RBFOX1: variants seen among roughly 807,000 people sequenced by gnomAD.
RBFOX1 encodes the protein RNA binding protein fox-1 homolog 1.
A neutral mutation model predicts 57.7 loss-of-function variants in RBFOX1; 8 were observed. The observed-to-expected ratio is 0.14, with a 90% CI of 0.08 to 0.25. RBFOX1 has a LOEUF of 0.25. Ranked by LOEUF, RBFOX1 falls within the 10% of genes least tolerant of loss-of-function variation. RBFOX1 has a pLI of 1.00. For missense variants in RBFOX1, 611 were observed against 548.5 expected, an observed-to-expected ratio of 1.11 and a Z score of -1.14; for synonymous variants, 326 against 222.4, an observed-to-expected ratio of 1.47 and a Z score of -4.15.
intron 1 of RBFOX1, among the ~76,000 whole-genome samples, chr16:5,429,369 G>A (rs1247972830): frequency 2.0e-5 from 3 of 152,162 alleles, no homozygotes; most frequent in East Asian, 1.9e-4. Flanking sequence ...TCTCCCAGCC[G>A]TCAGAGGCTC....
At chr16:7,437,071 ACT>A (rs529374384) in intron 4 of RBFOX1, among the ~76,000 whole-genome samples, 8 of 152,026 alleles carry the variant, frequency 5.3e-5, no homozygotes, top group Non-Finnish European at 1.0e-4. Context: ...ACAGAGCGAG[ACT>A]CTGTCTCAAA....
chr16:5,873,786 C>T, intron 4 of RBFOX1, among the ~76,000 whole-genome samples: 1 of 152,222 alleles, frequency 6.6e-6, no homozygotes, highest in East Asian at 1.9e-4. Context: ...TCGGTTAAAA[C>T]ATAAATGAGT....
chr16:6,885,919 A>G (rs2063911606), intron 3 of RBFOX1, among the ~76,000 whole-genome samples: 1 of 152,234 alleles, frequency 6.6e-6, no homozygotes, highest in Non-Finnish European at 1.5e-5. Context: ...TGACTTTATT[A>G]ACCCAATAAT....
At chr16:7,385,531 G>T (rs544467363) in intron 4 of RBFOX1, among the ~76,000 whole-genome samples, 1 of 152,292 alleles carries the variant, frequency 6.6e-6, no homozygotes, top group South Asian at 2.1e-4. Flanking sequence ...GGAAGAGCAG[G>T]AGTGAGCTTG....
At chr16:6,366,678 T>C (rs2089675629) in intron 2 of RBFOX1, among the ~76,000 whole-genome samples, 2 of 152,214 alleles carry the variant, frequency 1.3e-5, no homozygotes, top group Non-Finnish European at 2.9e-5. Context: ...TTAATCTTCA[T>C]AGCAAACTTA....
chr16:5,517,395 C>G (rs190780212), intron 2 of RBFOX1, among the ~76,000 whole-genome samples: 269 of 152,326 alleles, frequency 1.8e-3, no homozygotes, highest in African/African-American at 6.3e-3. Context: ...TTGTCCAGCC[C>G]TTGACTTTTC....
chr16:6,416,911 TG>T (rs1334282444), intron 2 of RBFOX1, among the ~76,000 whole-genome samples: 1 of 152,228 alleles, frequency 6.6e-6, no homozygotes, highest in African/African-American at 2.4e-5. Context: ...TTGCCATTTG[TG>T]TTTGGATATC....
intron 4 of RBFOX1, among the ~76,000 whole-genome samples, chr16:7,209,306 G>C (rs1260240959): frequency 6.6e-6 from 1 of 152,052 alleles, no homozygotes; most frequent in Non-Finnish European, 1.5e-5. Flanking sequence ...TTGCATTCCA[G>C]CGTAGGCGAC....
intron 1 of RBFOX1, among the ~76,000 whole-genome samples, chr16:5,252,505 C>T (rs2071418897): frequency 1.3e-5 from 2 of 152,258 alleles, no homozygotes; most frequent in African/African-American, 4.8e-5. Context: ...GGACTCTCTC[C>T]AGGTGTCTGT....
At chr16:5,888,801 A>T (rs1445071408) in intron 4 of RBFOX1, among the ~76,000 whole-genome samples, 1 of 4,124 alleles carries the variant, frequency 2.4e-4, no homozygotes, top group Middle Eastern at 0.1. Context: ...CAGTCTAAAA[A>T]AAAAAAAAAA....
chr16:6,129,317 A>T (rs182751696), intron 1 of RBFOX1, among the ~76,000 whole-genome samples: 1 of 152,306 alleles, frequency 6.6e-6, no homozygotes, highest in East Asian at 1.9e-4. Context: ...CAGGAAAAAA[A>T]ATGGAAGTCA....
At chr16:7,016,033 A>C (rs948078088) in intron 3 of RBFOX1, among the ~76,000 whole-genome samples, 7 of 152,138 alleles carry the variant, frequency 4.6e-5, no homozygotes, top group Non-Finnish European at 8.8e-5. Flanking sequence ...GAAAGACTAC[A>C]CTTCCTAGTC....
intron 1 of RBFOX1, among the ~76,000 whole-genome samples, chr16:5,247,030 G>A (rs1374479205): frequency 6.6e-6 from 1 of 152,160 alleles, no homozygotes; most frequent in Non-Finnish European, 1.5e-5. Flanking sequence ...GTCGTTCTGT[G>A]CCTGGCTTAT....
At chr16:6,681,251 G>A (rs1019081128) in intron 3 of RBFOX1, among the ~76,000 whole-genome samples, 1 of 152,178 alleles carries the variant, frequency 6.6e-6, no homozygotes, top group African/African-American at 2.4e-5. Flanking sequence ...GGCAGAGGCA[G>A]AAGTTGCAGT....
At chr16:7,464,011 C>T (rs533336243) in intron 4 of RBFOX1, among the ~76,000 whole-genome samples, 14 of 152,316 alleles carry the variant, frequency 9.2e-5, no homozygotes, top group African/African-American at 2.6e-4. Flanking sequence ...AGACCCTAGC[C>T]AGGAGGTCTG....
intron 2 of RBFOX1, among the ~76,000 whole-genome samples, chr16:6,360,077 C>T (rs914243824): frequency 6.6e-6 from 1 of 152,114 alleles, no homozygotes; most frequent in Non-Finnish European, 1.5e-5. Flanking sequence ...CTCTGAGCAG[C>T]ATTCAATTTC....
At chr16:7,535,552 T>C (rs1246995492) in intron 5 of RBFOX1, among the ~76,000 whole-genome samples, 4 of 152,226 alleles carry the variant, frequency 2.6e-5, no homozygotes, top group Non-Finnish European at 5.9e-5. Flanking sequence ...TGTGAAGTCT[T>C]TTCCACTGAC....
At chr16:6,513,877 T>A (rs1005929380) in intron 2 of RBFOX1, among the ~76,000 whole-genome samples, 1 of 152,110 alleles carries the variant, frequency 6.6e-6, no homozygotes, top group African/African-American at 2.4e-5. Flanking sequence ...CATAATCCAA[T>A]ACTGTCACCT....
At chr16:6,233,092 G>A (rs572016169) in intron 1 of RBFOX1, among the ~76,000 whole-genome samples, 14 of 152,268 alleles carry the variant, frequency 9.2e-5, no homozygotes, top group African/African-American at 3.4e-4. Flanking sequence ...CTGAGGCAGG[G>A]CCAGCTGCTG....
Sources: gnomAD v4.1 joint callset for allele counts (sites outside exome capture counted in the v4.1 genomes callset) on GRCh38, gnomAD v4.1.1 for gene constraint, MANE v1.5 for transcripts, NCBI Gene and HGNC (gene_info 2026-07-23, HGNC 2026-07-21) for gene names.